Variants in SLC8A1 observed in about 807,000 individuals in gnomAD.
The protein encoded by SLC8A1 is solute carrier family 8 member A1, also known as sodium/calcium exchanger 1.
In SLC8A1, 18 loss-of-function variants were observed where a neutral mutation model predicts 68.3. The observed-to-expected ratio is 0.26, with a 90% CI of 0.18 to 0.39. The LOEUF (loss-of-function observed/expected upper bound fraction) is 0.39. SLC8A1 is among the 10% of genes least tolerant of loss of function. The pLI is 1.00. For missense variants in SLC8A1, 985 were observed against 1,156.7 expected (o/e 0.85, Z 2.15); for synonymous variants, 475 against 415.5 (o/e 1.14, Z -1.74).
intron 2 of SLC8A1, among the ~76,000 whole-genome samples, chr2:40,190,221 A>T (rs939529165): frequency 5.9e-5 from 9 of 152,166 alleles, no homozygotes; most frequent in Admixed American, 4.6e-4. Flanking sequence ...GTTATTTTCC[A>T]CTCAACTTCA....
Position 40,434,049 on chromosome 2 carries a change from G to A in SLC8A1, c.-24-3745C>T, listed in dbSNP as rs1183240011. ...CTGGCAACCTCTTCCTGCATGCACTGTCAGGGCAATCTCCTGGGCCAGCCA... is the reference window on the plus strand; with the variant it reads ...CTGGCAACCTCTTCCTGCATGCACTATCAGGGCAATCTCCTGGGCCAGCCA... On this transcript the variant is annotated intron_variant, in intron 1 of 7. Coordinates refer to ENST00000406785, the Ensembl canonical transcript of SLC8A1. Among the ~76,000 whole-genome samples the A allele has an allele frequency of 2.0e-5, 3 of 152,094 alleles. No homozygotes were observed. The East Asian group carries it at 5.8e-4, about 29-fold the overall frequency.
chr2:40,261,098 G>A (rs1486143827), intron 2 of SLC8A1, among the ~76,000 whole-genome samples: 1 of 152,172 alleles, frequency 6.6e-6, no homozygotes, highest in African/African-American at 2.4e-5. Context: ...CACTTGCTGT[G>A]TTGTGAAAAA....
chr2:40,501,629 G>T (rs1706064889), intron 1 of SLC8A1, among the ~76,000 whole-genome samples: 1 of 152,070 alleles, frequency 6.6e-6, no homozygotes, highest in Non-Finnish European at 1.5e-5. Context: ...ACATTCTCCT[G>T]GTCGGATAGG....
At chr2:40,307,855 G>C (rs1330258773) in intron 2 of SLC8A1, among the ~76,000 whole-genome samples, 1 of 152,070 alleles carries the variant, frequency 6.6e-6, no homozygotes, top group East Asian at 1.9e-4. Flanking sequence ...ATTCTATGTA[G>C]GCTGCCCTAT....
intron 2 of SLC8A1, among the ~76,000 whole-genome samples, chr2:40,193,633 A>C (rs1456318940): frequency 2.6e-5 from 4 of 152,108 alleles, no homozygotes; most frequent in African/African-American, 9.7e-5. Context: ...AGAAATGCTA[A>C]ATCATGTGGG....
intron 1 of SLC8A1, among the ~76,000 whole-genome samples, chr2:40,482,670 C>T (rs888291945): frequency 3.3e-5 from 5 of 152,128 alleles, no homozygotes; most frequent in African/African-American, 1.2e-4. Flanking sequence ...GACAGCCTGT[C>T]TCCAGTCTTT....
chr2:40,230,223 T>C (rs1275303294), intron 2 of SLC8A1, among the ~76,000 whole-genome samples: 1 of 152,186 alleles, frequency 6.6e-6, no homozygotes, highest in Non-Finnish European at 1.5e-5. Context: ...CTAAAGATTC[T>C]AGTTTTGCTA....
upstream of SLC8A1, among the ~76,000 whole-genome samples, chr2:40,454,585 G>C (rs1361229955): frequency 6.6e-6 from 1 of 150,894 alleles, no homozygotes; most frequent in Non-Finnish European, 1.5e-5. Flanking sequence ...GACTGATTTG[G>C]ATTCTTGGGA....
intron 1 of SLC8A1, among the ~76,000 whole-genome samples, chr2:40,483,573 T>C (rs1043499235): frequency 1.2e-4 from 18 of 152,322 alleles, no homozygotes; most frequent in African/African-American, 4.1e-4. Context: ...GTCCAGTATT[T>C]TGTTGGTAAC....
chr2:40,502,625 T>C (rs1706121622), intron 1 of SLC8A1, among the ~76,000 whole-genome samples: 1 of 152,086 alleles, frequency 6.6e-6, no homozygotes, highest in African/African-American at 2.4e-5. Flanking sequence ...TGTGAAGATT[T>C]ATTAGAGCAT....
At chr2:40,097,991 G>T (rs1486259805) in exon 8 of SLC8A1, 2 of 151,246 alleles carry the variant, frequency 1.3e-5, no homozygotes, top group African/African-American at 4.8e-5. Flanking sequence ...CAAATATTAT[G>T]TTTTTTTTTA....
chr2:40,445,985 T>C (rs1315365088), intron 1 of SLC8A1, among the ~76,000 whole-genome samples: 4 of 152,166 alleles, frequency 2.6e-5, no homozygotes, highest in Admixed American at 6.5e-5. Flanking sequence ...CAGGATGGGA[T>C]GCTATTCATG....
intron 2 of SLC8A1, among the ~76,000 whole-genome samples, chr2:40,317,207 C>T (rs1266856055): frequency 6.6e-6 from 1 of 152,052 alleles, no homozygotes; most frequent in African/African-American, 2.4e-5. Context: ...ACTGTTTTCT[C>T]AATTCTCTTG....
At chr2:40,477,185 C>A (rs1704342488) in intron 1 of SLC8A1, among the ~76,000 whole-genome samples, 1 of 152,102 alleles carries the variant, frequency 6.6e-6, no homozygotes, top group Non-Finnish European at 1.5e-5. Flanking sequence ...ATTTCCTGGG[C>A]AACGTGATCT....
upstream of SLC8A1, among the ~76,000 whole-genome samples, chr2:40,455,334 C>A (rs1379918482): frequency 1.3e-5 from 2 of 152,140 alleles, no homozygotes; most frequent in Non-Finnish European, 1.5e-5. Context: ...ATAGGGAAAA[C>A]AAGCACAATA....
At chr2:40,305,008 T>G (rs1347077212) in intron 2 of SLC8A1, among the ~76,000 whole-genome samples, 1 of 152,218 alleles carries the variant, frequency 6.6e-6, no homozygotes, top group Non-Finnish European at 1.5e-5. Context: ...TTTGTTAAAA[T>G]GAGGATTCTG....
intron 2 of SLC8A1, among the ~76,000 whole-genome samples, chr2:40,401,567 C>CAAAAAAAAAAAAA (rs3060361): frequency 1.3e-3 from 124 of 94,038 alleles, no homozygotes; most frequent in Non-Finnish European, 2.0e-3. Context: ...ATAGGCCAGT[C>CAAAAAAAAAAAAA]AAAAAAAAAA....
At chr2:40,364,346 G>A (rs886429188) in intron 2 of SLC8A1, among the ~76,000 whole-genome samples, 3 of 151,588 alleles carry the variant, frequency 2.0e-5, no homozygotes, top group Admixed American at 6.6e-5. Flanking sequence ...CAATCACTAC[G>A]AGTTTGTGTG....
chr2:40,127,388 G>A (rs1040339605), intron 7 of SLC8A1, among the ~76,000 whole-genome samples: 1 of 152,154 alleles, frequency 6.6e-6, no homozygotes, highest in Admixed American at 6.5e-5. Context: ...CCAAGTGCTG[G>A]TTCCCCTTGA....
Sources: gnomAD v4.1 joint callset for allele counts (sites outside exome capture counted in the v4.1 genomes callset) on GRCh38, gnomAD v4.1.1 for gene constraint, MANE v1.5 for transcripts, NCBI Gene and HGNC (gene_info 2026-07-23, HGNC 2026-07-21) for gene names.